The following DOCK2 variants were observed in gnomAD, a reference collection of about 807,000 sequenced individuals.
The protein encoded by DOCK2 is dedicator of cytokinesis 2.
DOCK2 carries 87 observed loss-of-function variants against 248.9 expected under a neutral mutation model. The observed-to-expected ratio is 0.35, with a 90% CI of 0.29 to 0.42. The LOEUF is 0.42. DOCK2 is among the 10% of genes least tolerant of loss of function. DOCK2 has a pLI of 1.00. For synonymous variants in DOCK2, 805 were observed against 821.6 expected, an observed-to-expected ratio of 0.98 and a Z score of 0.35; for missense variants, 1,747 against 2,300.2, an observed-to-expected ratio of 0.76 and a Z score of 4.92.
intron 27 of DOCK2, among the ~76,000 whole-genome samples, chr5:169,843,720 C>T (rs926587439): frequency 1.3e-5 from 2 of 152,204 alleles, no homozygotes; most frequent in African/African-American, 4.8e-5. Context: ...TCCCTCCTCT[C>T]ACCAACCCTA....
At chr5:169,970,319 A>G (rs1409102577) in intron 27 of DOCK2, among the ~76,000 whole-genome samples, 1 of 152,182 alleles carries the variant, frequency 6.6e-6, no homozygotes, top group Non-Finnish European at 1.5e-5. Context: ...CTGGATACCT[A>G]TTTGGTCAGA....
At chr5:169,812,462 A>G (rs1581227566) in intron 26 of DOCK2, among the ~76,000 whole-genome samples, 1 of 152,256 alleles carries the variant, frequency 6.6e-6, no homozygotes, top group African/African-American at 2.4e-5. Context: ...TAATAGAAAT[A>G]AAGTGCACGG....
chr5:170,007,562 C>T (rs79368497), intron 30 of DOCK2, among the ~76,000 whole-genome samples: 3,205 of 152,204 alleles, frequency 0.021, 104 homozygotes, highest in African/African-American at 0.07. Flanking sequence ...ACAGGTTTAC[C>T]GAGGCTCCGT....
chr5:169,747,884 G>A (rs1581133219), intron 23 of DOCK2, among the ~76,000 whole-genome samples: 1 of 152,234 alleles, frequency 6.6e-6, no homozygotes. Context: ...AACAAGAGGT[G>A]CTTTGGAGAG....
At position 169,907,911 on chromosome 5, in the gene DOCK2, G is replaced by A. The variant is rs183732415; in HGVS notation, c.2799+67059G>A. Among the ~76,000 whole-genome samples the A allele has an allele frequency of 1.2e-4, 18 of 152,332 alleles. No individual in the cohort carries two copies. The East Asian group carries it at 1.3e-3, about 11-fold the overall frequency. ...ACACACAGGAACCGTTGGCCAGTCC[G>A]TGTCGGTAAACATCTCTTGTGCAGG... On this transcript the variant is annotated intron_variant, in intron 27 of 51. Coordinates refer to ENST00000520908, the MANE Select transcript of DOCK2 (RefSeq NM_004946.3).
At position 169,864,816 on chromosome 5, in the gene DOCK2, T is replaced by C. The variant is rs574876106; in HGVS notation, c.2799+23964T>C. 4.7e-4 allele frequency among the ~76,000 whole-genome samples: 71 copies of C among 152,286 alleles called. 1 individual carries two copies. Among genetic ancestry groups the C allele is most frequent in the African/African-American group, 1.7e-3 (70 of 41,570 alleles). Reference sequence around the variant, plus strand: ...TCTCATTATTAAAAAATTGAGATAATGCAGAGGAACAGACAAGAAAACTGA... The same window carrying C: ...TCTCATTATTAAAAAATTGAGATAACGCAGAGGAACAGACAAGAAAACTGA... On this transcript the variant is annotated intron_variant, in intron 27 of 51. Coordinates refer to ENST00000520908, the MANE Select transcript of DOCK2 (RefSeq NM_004946.3).
rs1768275861 is a variant in DOCK2 at position 169,819,374 on chromosome 5, AC to A, written c.2703+16169del. Among the ~76,000 whole-genome samples the A allele has an allele frequency of 2.6e-5, 4 of 152,294 alleles. No individual in the cohort carries two copies. The South Asian group carries it at 8.3e-4, about 32-fold the overall frequency. On this transcript the variant is annotated intron_variant, in intron 26 of 51. Transcript: ENST00000520908. Reference sequence around the variant, plus strand: ...AGTGGCTCACGCCTTTAATACCAGCACTTTGGGAAGCCAAAGCTAGGGGATT... The same window carrying A: ...AGTGGCTCACGCCTTTAATACCAGCATTTGGGAAGCCAAAGCTAGGGGATT...
chr5:170,047,321 A>C (rs905155), intron 39 of DOCK2, among the ~76,000 whole-genome samples, 189 bp from the exon 40 acceptor site: 56,219 of 152,090 alleles, frequency 0.37, 10,779 homozygotes, highest in East Asian at 0.63. Context: ...AGAGTGATTA[A>C]CACAGTCCCT....
At chr5:169,955,219 C>A (rs1287864505) in intron 27 of DOCK2, among the ~76,000 whole-genome samples, 2 of 152,172 alleles carry the variant, frequency 1.3e-5, no homozygotes, top group African/African-American at 4.8e-5. Context: ...AGTGGTCCTG[C>A]AGGAGAAGGG....
intron 32 of DOCK2, among the ~76,000 whole-genome samples, chr5:170,010,113 T>A (rs35729522): frequency 0.068 from 10,340 of 152,198 alleles, 455 homozygotes; most frequent in Middle Eastern, 0.15. Flanking sequence ...ATCAGAGTTT[T>A]TATCATTATT....
intron 27 of DOCK2, among the ~76,000 whole-genome samples, chr5:169,865,659 A>G (rs1771502202): frequency 6.6e-6 from 1 of 152,220 alleles, no homozygotes; most frequent in African/African-American, 2.4e-5. Context: ...GGGGTCTCAG[A>G]AGGCCCAAGG....
chr5:170,051,197 A>G (rs1756902401), intron 41 of DOCK2, among the ~76,000 whole-genome samples: 1 of 152,198 alleles, frequency 6.6e-6, no homozygotes, highest in African/African-American at 2.4e-5. Context: ...AGGAAGGAGC[A>G]TAGCAGGCTC....
chr5:169,781,679 G>A (rs1477548030), intron 25 of DOCK2, among the ~76,000 whole-genome samples: 1 of 152,208 alleles, frequency 6.6e-6, no homozygotes, highest in Non-Finnish European at 1.5e-5. Flanking sequence ...AGGCCGTGGT[G>A]TGTGAATCCA....
At chr5:169,924,000 C>T (rs1163996721) in intron 27 of DOCK2, among the ~76,000 whole-genome samples, 1 of 152,216 alleles carries the variant, frequency 6.6e-6, no homozygotes, top group East Asian at 1.9e-4. Context: ...GTTTATCATT[C>T]AGGTGGAGGC....
chr5:169,830,305 G>A (rs1214443225), intron 26 of DOCK2, among the ~76,000 whole-genome samples: 1 of 152,160 alleles, frequency 6.6e-6, no homozygotes, highest in Non-Finnish European at 1.5e-5. Flanking sequence ...TATATTAAGT[G>A]CTCAATAAAT....
intron 27 of DOCK2, among the ~76,000 whole-genome samples, chr5:169,946,090 C>G (rs1776437026): frequency 6.6e-6 from 1 of 152,210 alleles, no homozygotes; most frequent in Admixed American, 6.5e-5. Context: ...CAGGAAGCCC[C>G]AGTTCACTCT....
intron 36 of DOCK2, among the ~76,000 whole-genome samples, chr5:170,038,353 T>C (rs1756392337): frequency 6.6e-6 from 1 of 152,158 alleles, no homozygotes; most frequent in African/African-American, 2.4e-5. Flanking sequence ...CCCGTAGTAA[T>C]CTAAGAAAAC....
intron 25 of DOCK2, among the ~76,000 whole-genome samples, chr5:169,771,754 ACAAT>A (rs369262579): frequency 9.4e-4 from 143 of 152,326 alleles, no homozygotes; most frequent in African/African-American, 3.3e-3. Flanking sequence ...TAATTTTAAC[ACAAT>A]CAAATCAATG....
intron 8 of DOCK2, among the ~76,000 whole-genome samples, chr5:169,688,509 T>C (rs1760111596): frequency 6.6e-6 from 1 of 152,228 alleles, no homozygotes; most frequent in Non-Finnish European, 1.5e-5. Flanking sequence ...TCTTGGATTT[T>C]GGAATATTTG....
Sources: allele counts gnomAD v4.1 joint callset (sites outside exome capture counted in the v4.1 genomes callset), GRCh38; gene constraint gnomAD v4.1.1; transcripts MANE v1.5; gene names NCBI Gene and HGNC (gene_info 2026-07-23, HGNC 2026-07-21).